AOX1: variants seen among roughly 807,000 people sequenced by gnomAD.
AOX1 encodes the protein aldehyde oxidase 1.
In AOX1, 153 loss-of-function variants were observed where a neutral mutation model predicts 169.5. The ratio of observed to expected loss-of-function variants is 0.90; its 90% CI spans 0.79 to 1.03. The LOEUF (loss-of-function observed/expected upper bound fraction) is 1.03. AOX1 is among the 50% of genes least tolerant of loss of function. The pLI is 0.00. For missense variants in AOX1, 1,656 were observed against 1,663.9 expected (o/e 1.00, Z 0.08); for synonymous variants, 562 against 581.9 (o/e 0.97, Z 0.49).
rs773158746 is a variant in AOX1 at position 200,669,600 on chromosome 2, T to A, written c.3824T>A (p.Leu1275Gln). 1.2e-6 allele frequency: 2 copies of A among 1,614,020 alleles called. No individual in the cohort carries two copies. Among genetic ancestry groups the A allele is most frequent in the Non-Finnish European group, 1.7e-6 (2 of 1,179,976 alleles). The change falls in exon 34 of 35, where the codon CTG (leucine) becomes CAG (glutamine). Residue 1275 changes from leucine (L) to glutamine (Q), a missense_variant. Leu to Gln is a moderately radical substitution (Grantham distance 113, BLOSUM62 -2). Coordinates refer to ENST00000374700, the MANE Select transcript of AOX1 (RefSeq NM_001159.4). ...SKGLGESGVFLGCSVFFAIHD... is the reference protein window; with the variant it reads ...SKGLGESGVFQGCSVFFAIHD... The stretch of plus-strand genomic sequence containing the variant: ...GGTCTGGGAGAGTCGGGGGTGTTCC[T>A]GGGGTGTTCCGTGTTTTTCGCTATC...
chr2:200,661,979 G>C (rs1288054967), intron 30 of AOX1, among the ~76,000 whole-genome samples: 1 of 152,098 alleles, frequency 6.6e-6, no homozygotes, highest in Admixed American at 6.5e-5. Flanking sequence ...AAGAAACAAA[G>C]GTAGGGGAAA....
At chr2:200,639,740 C>T (rs910609462) in intron 23 of AOX1, among the ~76,000 whole-genome samples, 9 of 151,964 alleles carry the variant, frequency 5.9e-5, no homozygotes, top group African/African-American at 2.2e-4. Flanking sequence ...AAAGATAGGT[C>T]TTCAAGAATG....
At chr2:200,670,251 T>C (rs1323356246) in intron 34 of AOX1, among the ~76,000 whole-genome samples, 1 of 152,134 alleles carries the variant, frequency 6.6e-6, no homozygotes, top group East Asian at 1.9e-4. Flanking sequence ...TTTTTAATTG[T>C]GGAAGAAAGT....
chr2:200,638,460 A>C lies in AOX1; in HGVS notation c.2568+158A>C, dbSNP rs952662906. On this transcript the variant is annotated intron_variant, in intron 23 of 34. Coordinates refer to ENST00000374700, the MANE Select transcript of AOX1 (RefSeq NM_001159.4). ...TTTCTATTGGTTGCACTGACTTTTAATTACTAGCTGGTTCAATGGAGGCTT... is the reference window on the plus strand; with the variant it reads ...TTTCTATTGGTTGCACTGACTTTTACTTACTAGCTGGTTCAATGGAGGCTT... 2.6e-5 allele frequency among the ~76,000 whole-genome samples: 4 copies of C among 152,354 alleles called. 1 individual carries two copies. In the South Asian group the frequency reaches 8.3e-4, roughly 32 times the overall value.
At position 200,650,964 on chromosome 2, in the gene AOX1, T is replaced by G. The variant is rs752211041; in HGVS notation, c.2848-10T>G. 4 of 1,613,402 alleles carry G rather than the reference T, an allele frequency of 2.5e-6. No homozygotes were observed. The highest frequency in any genetic ancestry group is 3.4e-6 in the Non-Finnish European group (4 of 1,179,560). ...TCCCCTCCCAGCTTTAATCTCCTTTTCTTTCATAGGTGCGAATCATAAACA... is the reference window on the plus strand; with the variant it reads ...TCCCCTCCCAGCTTTAATCTCCTTTGCTTTCATAGGTGCGAATCATAAACA... On this transcript the variant is annotated splice_polypyrimidine_tract_variant and intron_variant, in intron 25 of 34. Transcript: ENST00000374700.
chr2:200,661,362 C>T (rs997141735), intron 29 of AOX1, among the ~76,000 whole-genome samples: 7 of 152,212 alleles, frequency 4.6e-5, no homozygotes, highest in Non-Finnish European at 8.8e-5. Flanking sequence ...TGTATCATAC[C>T]ACAGCGGGCA....
downstream of AOX1, among the ~76,000 whole-genome samples, chr2:200,673,768 T>G (rs2036059037): frequency 6.6e-6 from 1 of 152,192 alleles, no homozygotes; most frequent in Non-Finnish European, 1.5e-5. Flanking sequence ...ATCTGCAGCC[T>G]AGGTTATCTA....
chr2:200,651,003 T>C lies in AOX1; in HGVS notation c.2877T>C (p.Ile959=), dbSNP rs2035569071. The C allele has an allele frequency of 6.2e-7, 1 of 1,614,070 alleles. No individual in the cohort carries two copies. The highest frequency in any genetic ancestry group is 8.5e-7 in the Non-Finnish European group (1 of 1,180,042). The change falls in exon 26 of 35, where the codon ATT becomes ATC. Residue 959 remains isoleucine, a synonymous_variant. Transcript: ENST00000374700. ...KVRIINMYKE[I]DQTPYKQEIN... is the part of the protein sequence containing the mutation. ...GAATCATAAACATGTACAAGGAAAT[T>C]GATCAAACACCCTACAAACAAGAGA...
In AOX1 at chr2:200,670,804, T is replaced by C; in HGVS notation, c.*125T>C. The C allele has an allele frequency of 1.4e-6, 1 of 729,946 alleles. No individual in the cohort carries two copies. The highest frequency in any genetic ancestry group is 2.5e-5 in the East Asian group (1 of 39,622). 45.2% of individuals were successfully genotyped at this position (729,946 alleles called of 1,614,324 possible). A position where few individuals can be genotyped will look rare whatever the true frequency, so the allele number is the denominator to read the frequency against. On this transcript the variant is annotated 3_prime_UTR_variant, in exon 35 of 35. Coordinates refer to ENST00000374700, the MANE Select transcript of AOX1 (RefSeq NM_001159.4). ...CCACAGTTCAGAAATCATCCCACAGTGTTGCTTTTCTATGGAGCTGATTTA... is the reference window on the plus strand; with the variant it reads ...CCACAGTTCAGAAATCATCCCACAGCGTTGCTTTTCTATGGAGCTGATTTA...
At chr2:200,611,535 T>C (rs774976207) in intron 13 of AOX1, 42 bp downstream of exon 13, 46 of 1,253,128 alleles carry the variant, frequency 3.7e-5, no homozygotes, top group Non-Finnish European at 4.9e-5. Flanking sequence ...GCACCTGTGA[T>C]GCTATGGCTT....
At chr2:200,607,703 A>T (rs943944528) in intron 10 of AOX1, among the ~76,000 whole-genome samples, 1 of 152,208 alleles carries the variant, frequency 6.6e-6, no homozygotes, top group Non-Finnish European at 1.5e-5. Context: ...AATAGCAAAG[A>T]CTTGGAACCA....
chr2:200,648,231 A>G (rs1559254305), intron 25 of AOX1, among the ~76,000 whole-genome samples: 1 of 151,156 alleles, frequency 6.6e-6, no homozygotes, highest in Non-Finnish European at 1.5e-5. Flanking sequence ...TGTCAGAAGG[A>G]AAGTTTGGGG....
chr2:200,647,416 C>A (rs775079043), intron 25 of AOX1, among the ~76,000 whole-genome samples: 50 of 152,304 alleles, frequency 3.3e-4, no homozygotes, highest in Admixed American at 5.2e-4. Context: ...AGATAGGGAA[C>A]AATCCTTTCT....
In AOX1 at chr2:200,634,273, A is replaced by C. The variant is rs189181814; in HGVS notation, c.2222-518A>C. Among the ~76,000 whole-genome samples, 24 of 151,398 alleles carry C rather than the reference A, an allele frequency of 1.6e-4. 1 individual carries two copies. The South Asian group carries it at 1.9e-3, about 12-fold the overall frequency. On this transcript the variant is annotated intron_variant, in intron 20 of 34. Coordinates refer to ENST00000374700, the MANE Select transcript of AOX1 (RefSeq NM_001159.4). ...CTGAGGCAAACAACAACAACAACAA[A>C]AAAACCCACTGAACTCACTGCTGTG... is the stretch of plus-strand genomic sequence containing the variant.
chr2:200,654,232 A>T (rs1372578063), intron 26 of AOX1, among the ~76,000 whole-genome samples: 3 of 143,074 alleles, frequency 2.1e-5, no homozygotes, highest in Non-Finnish European at 4.6e-5. Flanking sequence ...AAAAAAAAAA[A>T]ACAGAAAAGA....
At chr2:200,590,446 T>G (rs140123008) in intron 1 of AOX1, among the ~76,000 whole-genome samples, 448 of 152,212 alleles carry the variant, frequency 2.9e-3, no homozygotes, top group African/African-American at 0.01. Flanking sequence ...ATCCCCTGTA[T>G]GCCTTCTAGC....
intron 31 of AOX1, among the ~76,000 whole-genome samples, chr2:200,666,072 A>G (rs1401335653): frequency 6.6e-6 from 1 of 152,184 alleles, no homozygotes; most frequent in Non-Finnish European, 1.5e-5. Context: ...AAATGTACAG[A>G]CTTGCTGGAA....
At chr2:200,656,717 G>A (rs183444440) in intron 26 of AOX1, 125 bp from the exon 27 acceptor site, 14 of 531,740 alleles carry the variant, frequency 2.6e-5, no homozygotes, top group Non-Finnish European at 3.9e-5. Context: ...AACCTAAAAT[G>A]TTGCTCCACC....
rs1288889976 is a variant in AOX1 at position 200,593,177 on chromosome 2, T to C, written c.77T>C (p.Met26Thr). ...GAAAAAAATGTCGATCCTGAAACAA[T>C]GCTGTTGCCTTATTTGAGGAAGAAG... ...VIEKNVDPETMLLPYLRKKLR... is the reference protein window; with the variant it reads ...VIEKNVDPETTLLPYLRKKLR... The change falls in exon 2 of 35, where the codon ATG becomes ACG. Residue 26 changes from methionine to threonine, a missense_variant. By Grantham distance (81) the Met-to-Thr change is moderately conservative (BLOSUM62 -1). Coordinates refer to ENST00000374700, the MANE Select transcript of AOX1 (RefSeq NM_001159.4). 6.2e-7 allele frequency: 1 copy of C among 1,613,808 alleles called. No homozygotes were observed. Among genetic ancestry groups the C allele is most frequent in the Non-Finnish European group, 8.5e-7 (1 of 1,179,844 alleles).
Sources: gnomAD v4.1 joint callset for allele counts (sites outside exome capture counted in the v4.1 genomes callset) on GRCh38, gnomAD v4.1.1 for gene constraint, MANE v1.5 for transcripts, NCBI Gene and HGNC (gene_info 2026-07-23, HGNC 2026-07-21) for gene names.